MTFR1: variants seen among roughly 807,000 people sequenced by gnomAD.
The protein encoded by MTFR1 is mitochondrial fission regulator 1.
Under a neutral mutation model 38.8 loss-of-function variants are expected in MTFR1, and 28 were observed. The ratio of observed to expected loss-of-function variants is 0.72; its 90% CI spans 0.53 to 0.99. MTFR1 has a LOEUF of 0.99. Ranked by LOEUF, MTFR1 falls within the 50% of genes least tolerant of loss-of-function variation. MTFR1 has a pLI of 0.00. For missense variants in MTFR1, 358 were observed against 395.5 expected (o/e 0.91, Z 0.81); for synonymous variants, 145 against 137.0 (o/e 1.06, Z -0.41).
chr8:65,754,703 A>G (rs1585875903), intron 3 of MTFR1, among the ~76,000 whole-genome samples: 1 of 148,950 alleles, frequency 6.7e-6, no homozygotes, highest in Non-Finnish European at 1.5e-5. Flanking sequence ...ACAGTGGCTC[A>G]CGCCTGTAAT....
Position 65,693,763 on chromosome 8 carries a change from A to G in MTFR1, c.281+4A>G, listed in dbSNP as rs757151901. The G allele has an allele frequency of 6.2e-7, 1 of 1,607,862 alleles. No individual in the cohort carries two copies. Among genetic ancestry groups the G allele is most frequent in the South Asian group, 1.1e-5 (1 of 90,894 alleles). ...GAGAGTGTTCAGCAAGACTAAGGTT[A>G]GTTTGGAAGGCTATCAGAACTGAGA... On this transcript the variant is annotated splice_donor_region_variant and intron_variant, in intron 4 of 7. Coordinates refer to ENST00000262146, the MANE Select transcript of MTFR1 (RefSeq NM_014637.4).
intron 1 of MTFR1, among the ~76,000 whole-genome samples, chr8:65,652,817 G>T (rs1333049654): frequency 4.6e-5 from 7 of 152,162 alleles, no homozygotes; most frequent in Admixed American, 3.3e-4. Context: ...AGGATAATTT[G>T]ACTTCTTCCT....
chr8:65,729,363 GCTTTTT>G (rs1228436297), intron 3 of MTFR1, among the ~76,000 whole-genome samples: 4 of 85,830 alleles, frequency 4.7e-5, no homozygotes, highest in African/African-American at 1.8e-4. Flanking sequence ...GTTGGTGGTA[GCTTTTT>G]TTTTTTTTTT....
At chr8:65,774,250 G>T (rs1279671438), downstream of MTFR1, among the ~76,000 whole-genome samples, 1 of 152,086 alleles carries the variant, frequency 6.6e-6, no homozygotes, top group African/African-American at 2.4e-5. Context: ...ACTCTTTCGT[G>T]CTGTTGGAAA....
intron 3 of MTFR1, among the ~76,000 whole-genome samples, chr8:65,769,015 A>G (rs1347730134): frequency 6.6e-6 from 1 of 152,172 alleles, no homozygotes; most frequent in Admixed American, 6.5e-5. Flanking sequence ...TGGAAGGCTG[A>G]GGTAGGCAGA....
At chr8:65,669,261 CTG>C (rs1460836968) in intron 1 of MTFR1, among the ~76,000 whole-genome samples, 1 of 152,138 alleles carries the variant, frequency 6.6e-6, no homozygotes, top group African/African-American at 2.4e-5. Context: ...TGGACCCTGT[CTG>C]TGGTGGTAGT....
chr8:65,764,704 A>G (rs552148774), intron 3 of MTFR1, among the ~76,000 whole-genome samples: 19 of 152,344 alleles, frequency 1.2e-4, no homozygotes, highest in Non-Finnish European at 2.4e-4. Context: ...GCTTTTAAGA[A>G]ACATCTTCTT....
chr8:65,682,830 G>C (rs1028563548), intron 3 of MTFR1: 1 of 984,820 alleles, frequency 1.0e-6, no homozygotes, highest in Non-Finnish European at 1.2e-6. Flanking sequence ...CTGTTCCCCT[G>C]CTTTATTTTT....
At chr8:65,724,924 G>T in intron 3 of MTFR1, 1 of 1,572,098 alleles carries the variant, frequency 6.4e-7, no homozygotes, top group Non-Finnish European at 8.6e-7. Context: ...TTTGTTGCCT[G>T]GAAATAGAGA....
chr8:65,757,342 A>G (rs1808280802), intron 3 of MTFR1, among the ~76,000 whole-genome samples: 1 of 152,240 alleles, frequency 6.6e-6, no homozygotes. Context: ...GGGCAAAAAC[A>G]TAATACCACA....
intron 2 of MTFR1, chr8:65,719,294 G>A: frequency 1.9e-6 from 3 of 1,611,804 alleles, no homozygotes; most frequent in Non-Finnish European, 2.5e-6. Context: ...TGGGGGTTAT[G>A]ATAACCGATT....
intron 1 of MTFR1, among the ~76,000 whole-genome samples, chr8:65,663,743 C>T (rs1198299095): frequency 1.3e-5 from 2 of 150,990 alleles, no homozygotes; most frequent in African/African-American, 4.9e-5. Context: ...AAATGTTAGG[C>T]AGTTTCTTTC....
At chr8:65,725,934 TTTTA>T (rs1180164961) in intron 3 of MTFR1, among the ~76,000 whole-genome samples, 1 of 152,164 alleles carries the variant, frequency 6.6e-6, no homozygotes, top group Non-Finnish European at 1.5e-5. Context: ...CAAAAAATGA[TTTTA>T]CTTACCAGAA....
chr8:65,652,759 TAG>T (rs1165059480), intron 1 of MTFR1, among the ~76,000 whole-genome samples: 1 of 152,238 alleles, frequency 6.6e-6, no homozygotes, highest in Admixed American at 6.5e-5. Context: ...AGTTTTTTGG[TAG>T]AGTCTTTAGG....
chr8:65,742,908 T>A (rs915200360), intron 3 of MTFR1, among the ~76,000 whole-genome samples: 4 of 152,014 alleles, frequency 2.6e-5, no homozygotes, highest in African/African-American at 9.7e-5. Context: ...ATTCAAAGAG[T>A]GAGGTGATCA....
chr8:65,703,233 A>T (rs1364339957), intron 4 of MTFR1, among the ~76,000 whole-genome samples: 4 of 151,554 alleles, frequency 2.6e-5, no homozygotes, highest in African/African-American at 7.3e-5. Context: ...GAAAAGAAAA[A>T]AATTAGCCAG....
At chr8:65,672,547 G>A (rs1240395100) in intron 2 of MTFR1, among the ~76,000 whole-genome samples, 1 of 151,490 alleles carries the variant, frequency 6.6e-6, no homozygotes, top group Non-Finnish European at 1.5e-5. Flanking sequence ...GTCTCACTCT[G>A]TTGCCCAGGC....
chr8:65,732,525 T>TAATC (rs1486819398), intron 3 of MTFR1, among the ~76,000 whole-genome samples: 3 of 152,150 alleles, frequency 2.0e-5, no homozygotes, highest in Admixed American at 6.5e-5. Context: ...GGCATCTATC[T>TAATC]AATCTATCTA....
chr8:65,723,265 A>C (rs1417653224), intron 3 of MTFR1: 4 of 198,320 alleles, frequency 2.0e-5, no homozygotes, highest in Non-Finnish European at 4.0e-5. Flanking sequence ...GATGCAAAAG[A>C]AGCTTCCACA....
Sources: allele counts gnomAD v4.1 joint callset (sites outside exome capture counted in the v4.1 genomes callset), GRCh38; gene constraint gnomAD v4.1.1; transcripts MANE v1.5; gene names NCBI Gene and HGNC (gene_info 2026-07-23, HGNC 2026-07-21).